Variants in CCDC30 observed in about 807,000 individuals in gnomAD.
CCDC30 encodes coiled-coil domain-containing protein 30.
In CCDC30, 70 loss-of-function variants were observed where a neutral mutation model predicts 100.2. The observed-to-expected ratio is 0.70, with a 90% CI of 0.58 to 0.85. The LOEUF is 0.85. CCDC30 is among the 40% of genes least tolerant of loss of function. The probability of loss-of-function intolerance (pLI) is 0.00; values close to 1 mark genes in which losing one functional copy is unlikely to be tolerated. For missense variants in CCDC30, 652 were observed against 771.2 expected (o/e 0.85, Z 1.83); for synonymous variants, 233 against 269.5 (o/e 0.86, Z 1.33).
At chr1:42,489,494 C>T (rs1644102973) in intron 3 of CCDC30, among the ~76,000 whole-genome samples, 1 of 152,140 alleles carries the variant, frequency 6.6e-6, no homozygotes, top group African/African-American at 2.4e-5. Context: ...CTGATGTGCT[C>T]ACTCTGTGGT....
At chr1:42,617,261 A>C (rs1457574296) in intron 11 of CCDC30, among the ~76,000 whole-genome samples, 1 of 152,124 alleles carries the variant, frequency 6.6e-6, no homozygotes, top group African/African-American at 2.4e-5. Context: ...GAACGAAGTG[A>C]GATCTCGTCT....
the CCDC30 span, chr1:42,457,599 G>A: frequency 9.3e-5 from 48 of 513,738 alleles, no homozygotes; most frequent in South Asian, 1.1e-3. Flanking sequence ...ATCATGGGGC[G>A]AGTGAATCCT....
chr1:42,565,608 A>G (rs12032217), intron 6 of CCDC30, among the ~76,000 whole-genome samples: 30,500 of 152,138 alleles, frequency 0.2, 3,381 homozygotes, highest in South Asian at 0.42. Context: ...AGTACAACCA[A>G]TATGGAAAAC....
intron 1 of CCDC30, among the ~76,000 whole-genome samples, chr1:42,475,139 T>C (rs1643869174): frequency 1.3e-5 from 2 of 152,144 alleles, no homozygotes; most frequent in African/African-American, 4.8e-5. Context: ...TGGTTACATG[T>C]CATCATACCT....
chr1:42,598,554 G>C (rs1418370239), intron 10 of CCDC30, among the ~76,000 whole-genome samples: 1 of 151,716 alleles, frequency 6.6e-6, no homozygotes, highest in African/African-American at 2.4e-5. Context: ...AATTACAAAA[G>C]GCAGAAAAAG....
chr1:42,511,869 C>A (rs1341465916), intron 6 of CCDC30, among the ~76,000 whole-genome samples: 1 of 151,858 alleles, frequency 6.6e-6, no homozygotes, highest in Non-Finnish European at 1.5e-5. Context: ...GACCCTAACC[C>A]AGCAGTGCTA....
chr1:42,582,910 A>G (rs1645995426), intron 9 of CCDC30, among the ~76,000 whole-genome samples: 1 of 152,222 alleles, frequency 6.6e-6, no homozygotes, highest in Admixed American at 6.5e-5. Context: ...GTCTGTAGCT[A>G]ATCTGAATGC....
At chr1:42,469,876 T>C (rs1173715939) in intron 1 of CCDC30, among the ~76,000 whole-genome samples, 2 of 152,208 alleles carry the variant, frequency 1.3e-5, no homozygotes, top group East Asian at 1.9e-4. Flanking sequence ...TTTTGAATAG[T>C]TGCTGAGTGA....
intron 12 of CCDC30, among the ~76,000 whole-genome samples, chr1:42,638,276 G>A (rs1647196433): frequency 6.6e-6 from 1 of 152,004 alleles, no homozygotes; most frequent in South Asian, 2.1e-4. Context: ...ATTGCTTGAG[G>A]CCAGGAGTTC....
downstream of CCDC30, chr1:42,654,173 A>G (rs905629030): frequency 1.6e-6 from 1 of 635,942 alleles, no homozygotes; most frequent in African/African-American, 1.8e-5. Flanking sequence ...AATTCATTAA[A>G]GCAGTTGTAA....
chr1:42,457,788 A>G, the CCDC30 span, among the ~76,000 whole-genome samples: 1 of 152,166 alleles, frequency 6.6e-6, no homozygotes, highest in South Asian at 2.1e-4. Flanking sequence ...CCCCGTCTCT[A>G]CTAAAAAAAT....
intron 6 of CCDC30, among the ~76,000 whole-genome samples, chr1:42,530,570 G>T (rs1282541559): frequency 6.6e-6 from 1 of 152,122 alleles, no homozygotes; most frequent in East Asian, 1.9e-4. Flanking sequence ...CAGCACTTTG[G>T]GAGGCTGAGG....
intron 7 of CCDC30, among the ~76,000 whole-genome samples, chr1:42,568,850 T>C (rs1442299126): frequency 6.8e-6 from 1 of 147,830 alleles, no homozygotes; most frequent in East Asian, 2.0e-4. Context: ...GGCTGAGGCA[T>C]GAGAATTGCT....
At chr1:42,460,387 G>A, upstream of CCDC30, 1 of 986,614 alleles carries the variant, frequency 1.0e-6, no homozygotes, top group Non-Finnish European at 1.2e-6. Context: ...AATAAAGTGT[G>A]TGTCCAAAAG....
intron 11 of CCDC30, among the ~76,000 whole-genome samples, chr1:42,612,255 T>C (rs1052344025): frequency 2.0e-5 from 3 of 152,218 alleles, no homozygotes; most frequent in African/African-American, 7.2e-5. Flanking sequence ...GTACAACTGC[T>C]AACAGACAAA....
chr1:42,481,947 G>A lies in CCDC30; in HGVS notation c.16-716G>A, dbSNP rs180842688. ...AAAATTATCATTACAAGCTGGGTGCGGTGGCTTATGCCTGTAATCCCAGCA... is the reference window on the plus strand; with the variant it reads ...AAAATTATCATTACAAGCTGGGTGCAGTGGCTTATGCCTGTAATCCCAGCA... On this transcript the variant is annotated intron_variant, in intron 2 of 16. Coordinates refer to ENST00000668663, the Ensembl canonical transcript of CCDC30. 5.5e-4 allele frequency among the ~76,000 whole-genome samples: 83 copies of A among 152,114 alleles called. 1 individual carries two copies. Among genetic ancestry groups the A allele is most frequent in the Non-Finnish European group, 8.8e-4 (60 of 67,982 alleles).
In CCDC30 at chr1:42,513,839, A is replaced by G. The variant is rs138053535; in HGVS notation, c.456+14923A>G. ...TGCAAGCTGTACAAGAAGCATAATG[A>G]TGGCATCTGCTTCTGGTGAGGGCCT... On this transcript the variant is annotated intron_variant, in intron 6 of 16. Coordinates refer to ENST00000668663, the Ensembl canonical transcript of CCDC30. Among the ~76,000 whole-genome samples, 12 of 152,328 alleles carry G rather than the reference A, an allele frequency of 7.9e-5. No homozygotes were observed. In the East Asian group the frequency reaches 2.3e-3, roughly 29 times the overall value.
the CCDC30 span, chr1:42,456,861 A>C: frequency 6.2e-7 from 1 of 1,613,418 alleles, no homozygotes; most frequent in Non-Finnish European, 8.5e-7. Flanking sequence ...TTCCCACCCC[A>C]GACTTGGCTG....
chr1:42,614,027 T>C (rs1056031016), intron 11 of CCDC30, among the ~76,000 whole-genome samples: 14 of 152,154 alleles, frequency 9.2e-5, no homozygotes, highest in African/African-American at 2.7e-4. Context: ...CTCGTTAGCA[T>C]TGAATACTAC....
Sources: allele counts gnomAD v4.1 joint callset (sites outside exome capture counted in the v4.1 genomes callset), GRCh38; gene constraint gnomAD v4.1.1; transcripts MANE v1.5; gene names NCBI Gene and HGNC (gene_info 2026-07-23, HGNC 2026-07-21).